EPB41L3: variants seen among roughly 807,000 people sequenced by gnomAD.
The protein encoded by EPB41L3 is band 4.1-like protein 3.
EPB41L3 carries 57 observed loss-of-function variants against 127.1 expected under a neutral mutation model. That is an observed-to-expected ratio of 0.45 (90% CI 0.36 to 0.56). The LOEUF (loss-of-function observed/expected upper bound fraction) is 0.56, where lower values mean the gene tolerates loss of function less well. EPB41L3 is among the 20% of genes least tolerant of loss of function. The pLI is 0.00. For synonymous variants in EPB41L3, 572 were observed against 549.5 expected, an observed-to-expected ratio of 1.04 and a Z score of -0.57; for missense variants, 1,273 against 1,372.2, an observed-to-expected ratio of 0.93 and a Z score of 1.14.
intron 9 of EPB41L3, among the ~76,000 whole-genome samples, chr18:5,427,322 A>G (rs554798046): frequency 6.6e-6 from 1 of 152,276 alleles, no homozygotes; most frequent in South Asian, 2.1e-4. Context: ...TGTTATACTA[A>G]CCATACCAAT....
intron 13 of EPB41L3, among the ~76,000 whole-genome samples, chr18:5,412,582 T>C (rs2076331655): frequency 6.6e-6 from 1 of 152,212 alleles, no homozygotes; most frequent in African/African-American, 2.4e-5. Context: ...TCTAAAATTT[T>C]TGAAAGTGCT....
chr18:5,593,861 G>T (rs368024867), intron 3 of EPB41L3, among the ~76,000 whole-genome samples: 4 of 152,342 alleles, frequency 2.6e-5, no homozygotes, highest in African/African-American at 4.8e-5. Flanking sequence ...TGAAAGAAGA[G>T]AAATATGGCT....
At position 5,397,393 on chromosome 18, in the gene EPB41L3, C is replaced by T. The variant is rs2073735664; in HGVS notation, c.2506G>A (p.Glu836Lys). The T allele has an allele frequency of 1.9e-6, 3 of 1,613,352 alleles. No homozygotes were observed. Among genetic ancestry groups the T allele is most frequent in the Non-Finnish European group, 1.7e-6 (2 of 1,179,742 alleles). The change falls in exon 18 of 23, where the codon GAG (glutamate) becomes AAG (lysine). Residue 836 changes from glutamate to lysine, a missense_variant. Glu to Lys is a moderately conservative substitution (Grantham distance 56). Transcript: ENST00000341928. This position sits in a 1 kb window ranked among gnomAD's most constrained non-coding sequence, Gnocchi z 4.1. ...METKTESSGIETEPTVHHLPL... is the reference protein window; with the variant it reads ...METKTESSGIKTEPTVHHLPL... Reference sequence around the variant, plus strand: ...AGGTGGTGCACGGTGGGTTCCGTCTCTATTCCACTGGACTCCGTCTTGGTT... The same window carrying T: ...AGGTGGTGCACGGTGGGTTCCGTCTTTATTCCACTGGACTCCGTCTTGGTT...
chr18:5,428,216 C>T, intron 9 of EPB41L3, 97 bp downstream of exon 9: 2 of 1,425,692 alleles, frequency 1.4e-6, no homozygotes, highest in Non-Finnish European at 1.9e-6. Context: ...TTCACTGTGT[C>T]CCACAATGCT....
At chr18:5,399,834 T>G (rs2074201728) in intron 16 of EPB41L3, 1 of 153,004 alleles carries the variant, frequency 6.5e-6, no homozygotes, top group African/African-American at 2.4e-5. Context: ...CAAATTTATG[T>G]AAATATTTTC....
At chr18:5,561,299 T>C (rs986186813) in intron 3 of EPB41L3, among the ~76,000 whole-genome samples, 6 of 152,134 alleles carry the variant, frequency 3.9e-5, no homozygotes, top group African/African-American at 1.4e-4. Context: ...TTTTTTAAAT[T>C]TGCTTCATTT....
rs911723108 is a variant in EPB41L3 at position 5,617,262 on chromosome 18, C to G, written c.-467-2839G>C. 2.6e-5 allele frequency among the ~76,000 whole-genome samples: 4 copies of G among 151,828 alleles called. No individual in the cohort carries two copies. The East Asian group carries it at 7.7e-4, about 29-fold the overall frequency. ...TAAAAGATGATAAATGAATATCAAA[C>G]TGAAGAAAATACAACAACCTGTATT... On this transcript the variant is annotated intron_variant, in intron 1 of 21. Transcript: ENST00000545076.
Position 5,525,796 on chromosome 18 carries a change from T to C in EPB41L3, c.-12+18117A>G, listed in dbSNP as rs373706147. On this transcript the variant is annotated intron_variant, in intron 1 of 22. Coordinates refer to ENST00000341928, the MANE Select transcript of EPB41L3 (RefSeq NM_012307.5). ...TTTCCATTGTTAGTGAATATCTAAATTGATATTGAGATATTCTTCTCCACC... is the reference window on the plus strand; with the variant it reads ...TTTCCATTGTTAGTGAATATCTAAACTGATATTGAGATATTCTTCTCCACC... Among the ~76,000 whole-genome samples the C allele has an allele frequency of 7.2e-5, 11 of 152,322 alleles. No homozygotes were observed. The South Asian group carries it at 2.1e-3, about 29-fold the overall frequency.
At chr18:5,602,036 T>C (rs530309954) in intron 3 of EPB41L3, among the ~76,000 whole-genome samples, 1 of 152,282 alleles carries the variant, frequency 6.6e-6, no homozygotes, top group Admixed American at 6.5e-5. Context: ...TCGGACAAAT[T>C]AAACAAATTA....
intron 3 of EPB41L3, among the ~76,000 whole-genome samples, chr18:5,469,517 C>T (rs2085691630): frequency 6.6e-6 from 1 of 152,166 alleles, no homozygotes; most frequent in African/African-American, 2.4e-5. Context: ...ATGCACCGAT[C>T]ATCACTCCAC....
At chr18:5,453,558 G>C (rs2146718189) in intron 3 of EPB41L3, among the ~76,000 whole-genome samples, 1 of 152,258 alleles carries the variant, frequency 6.6e-6, no homozygotes, top group Non-Finnish European at 1.5e-5. Context: ...AATATGGAGA[G>C]CTACAATATT....
intron 3 of EPB41L3, among the ~76,000 whole-genome samples, chr18:5,470,699 T>G (rs1037889958): frequency 1.5e-4 from 23 of 152,224 alleles, no homozygotes; most frequent in African/African-American, 5.1e-4. Context: ...GTTGAACTGC[T>G]GAGGAAGTAG....
At chr18:5,468,134 G>C (rs1338222440) in intron 3 of EPB41L3, among the ~76,000 whole-genome samples, 1 of 152,142 alleles carries the variant, frequency 6.6e-6, no homozygotes, top group Admixed American at 6.5e-5. Context: ...CTGCTGCCTC[G>C]GACCCCTCCA....
Position 5,489,317 on chromosome 18 carries a change from C to T in EPB41L3, c.-11-123G>A, listed in dbSNP as rs997049299. ...ACAGAGAGGGAGATGCTACCAAACC[C>T]CATCCTATTCCACACACTGGACAGA... On this transcript the variant is annotated intron_variant, in intron 1 of 22. Coordinates refer to ENST00000341928, the MANE Select transcript of EPB41L3 (RefSeq NM_012307.5). The T allele has an allele frequency of 2.3e-5, 26 of 1,113,136 alleles. No homozygotes were observed. In the South Asian group the frequency reaches 3.4e-4, roughly 14 times the overall value. 69.0% of individuals were successfully genotyped at this position (1,113,136 alleles called of 1,614,324 possible). A position where few individuals can be genotyped will look rare whatever the true frequency, so the allele number is the denominator to read the frequency against.
rs570072907 is a variant in EPB41L3, at chr18:5,423,278, C to T, written c.1339+100G>A. The T allele has an allele frequency of 1.4e-5, 17 of 1,218,996 alleles. No individual in the cohort carries two copies. The African/African-American group carries it at 2.5e-4, about 18-fold the overall frequency. 75.5% of individuals were successfully genotyped at this position (1,218,996 alleles called of 1,614,324 possible). A position where few individuals can be genotyped will look rare whatever the true frequency, so the allele number is the denominator to read the frequency against. On this transcript the variant is annotated intron_variant, in intron 11 of 22. Transcript: ENST00000341928. Reference sequence around the variant, plus strand: ...TAAGCAACAACTGCTTTTCAACATACAATATCCAGGAATATCTATACTTAC... The same window carrying T: ...TAAGCAACAACTGCTTTTCAACATATAATATCCAGGAATATCTATACTTAC...
upstream of EPB41L3, among the ~76,000 whole-genome samples, chr18:5,629,440 C>G (rs2094963471): frequency 2.6e-5 from 4 of 151,856 alleles, no homozygotes; most frequent in African/African-American, 7.2e-5. Flanking sequence ...CACACACACA[C>G]ACACACACAC....
chr18:5,589,764 T>G (rs896452194), intron 3 of EPB41L3, among the ~76,000 whole-genome samples: 1 of 152,242 alleles, frequency 6.6e-6, no homozygotes, highest in African/African-American at 2.4e-5. Context: ...TGGGGTCTGC[T>G]GCTGTTTTAA....
At chr18:5,434,617 T>C (rs1253278504) in intron 6 of EPB41L3, among the ~76,000 whole-genome samples, 1 of 152,212 alleles carries the variant, frequency 6.6e-6, no homozygotes, top group Non-Finnish European at 1.5e-5. Context: ...TCCTATTGCT[T>C]AGTGACGTCA....
At chr18:5,409,727 A>G (rs1249065906) in intron 14 of EPB41L3, among the ~76,000 whole-genome samples, 1 of 151,300 alleles carries the variant, frequency 6.6e-6, no homozygotes, top group African/African-American at 2.4e-5. Context: ...AAAAACATAT[A>G]AACAACCTAA....
Sources: gnomAD v4.1 joint callset for allele counts (sites outside exome capture counted in the v4.1 genomes callset) on GRCh38, gnomAD v4.1.1 for gene constraint, Gnocchi (gnomAD v3.1) non-coding constraint, MANE v1.5 for transcripts, NCBI Gene and HGNC (gene_info 2026-07-23, HGNC 2026-07-21) for gene names.